TRHDE: variants seen among roughly 807,000 people sequenced by gnomAD.
The protein encoded by TRHDE is thyrotropin-releasing hormone-degrading ectoenzyme.
Under a neutral mutation model 125.7 loss-of-function variants are expected in TRHDE, and 72 were observed. That is an observed-to-expected ratio of 0.57 (90% CI 0.47 to 0.70). The LOEUF is 0.70. Among genes scored for constraint, TRHDE ranks in the 30% least tolerant of loss-of-function variants. The pLI is 0.00. For missense variants in TRHDE, 1,110 were observed against 1,327.1 expected, an observed-to-expected ratio of 0.84 and a Z score of 2.54; for synonymous variants, 509 against 509.1, an observed-to-expected ratio of 1.00 and a Z score of 0.00.
At chr12:72,167,003 C>A (rs1876766620) in intron 2 of TRHDE, among the ~76,000 whole-genome samples, 1 of 150,844 alleles carries the variant, frequency 6.6e-6, no homozygotes, top group African/African-American at 2.4e-5. Flanking sequence ...GATTTGAGGA[C>A]TGACGACAAA....
In TRHDE at chr12:72,108,246, G is replaced by GCAAA; in HGVS notation, n.279+2494_279+2495insCAAA. On this transcript the variant is annotated intron_variant and non_coding_transcript_variant, in intron 2 of 4. Transcript: ENST00000548156. ...GCTTTTTATGCAAATAGATGGATTTGTAAGAACTAGGTTAGTTAAGGAGTA... is the reference window on the plus strand; with the variant it reads ...GCTTTTTATGCAAATAGATGGATTTGCAAATAAGAACTAGGTTAGTTAAGGAGTA... Among the ~76,000 whole-genome samples, 3 of 152,240 alleles carry GCAAA rather than the reference G, an allele frequency of 2.0e-5. No individual in the cohort carries two copies. In the South Asian group the frequency reaches 6.2e-4, roughly 32 times the overall value.
rs1351276036 is a variant in TRHDE at position 72,100,709 on chromosome 12, C to G, written n.175-4939C>G. 5.3e-5 allele frequency among the ~76,000 whole-genome samples: 8 copies of G among 152,316 alleles called. No individual in the cohort carries two copies. The East Asian group carries it at 1.5e-3, about 29-fold the overall frequency. On this transcript the variant is annotated intron_variant and non_coding_transcript_variant, in intron 1 of 4. Coordinates refer to the TRHDE transcript ENST00000548156. ...TGAAATGAAAATGACCTCTCTTTCT[C>G]CTGGCTGTACTTACCTCTCCAAGAC... is the stretch of plus-strand genomic sequence containing the variant.
chr12:72,543,641 C>T (rs1664900717), intron 7 of TRHDE, among the ~76,000 whole-genome samples: 1 of 151,220 alleles, frequency 6.6e-6, no homozygotes, highest in Admixed American at 6.6e-5. Context: ...TTCATAAGGG[C>T]AACATAAATT....
intron 6 of TRHDE, among the ~76,000 whole-genome samples, chr12:72,537,678 A>G (rs1565782528): frequency 1.3e-5 from 2 of 152,058 alleles, no homozygotes; most frequent in African/African-American, 2.4e-5. Flanking sequence ...TACGTTTTCA[A>G]TGGGTTACTT....
chr12:72,392,971 T>C (rs1361752912), intron 3 of TRHDE, among the ~76,000 whole-genome samples: 1 of 152,154 alleles, frequency 6.6e-6, no homozygotes, highest in East Asian at 1.9e-4. Context: ...ATATATACTA[T>C]GTATCAATTT....
intron 2 of TRHDE, among the ~76,000 whole-genome samples, chr12:72,229,056 C>T (rs1195964061): frequency 1.3e-5 from 2 of 152,196 alleles, no homozygotes; most frequent in Non-Finnish European, 2.9e-5. Context: ...CAAACTGTTC[C>T]AACCTCTGCC....
At chr12:72,191,345 A>C (rs920841046) in intron 2 of TRHDE, among the ~76,000 whole-genome samples, 2 of 152,186 alleles carry the variant, frequency 1.3e-5, no homozygotes, top group Admixed American at 1.3e-4. Context: ...AGCATCTCCT[A>C]GAATGAGACT....
chr12:72,161,989 A>G (rs117631963), intron 2 of TRHDE, among the ~76,000 whole-genome samples: 1,796 of 152,284 alleles, frequency 0.012, 13 homozygotes, highest in Non-Finnish European at 0.018. Flanking sequence ...CAGTTTGCCC[A>G]ATAGTATGGT....
In TRHDE at chr12:72,201,977, CTCTG is replaced by C. The variant is rs140087485; in HGVS notation, n.279+96229_279+96232del. 6.8e-4 allele frequency among the ~76,000 whole-genome samples: 104 copies of C among 152,272 alleles called. 1 individual carries two copies. The East Asian group carries it at 0.016, about 24-fold the overall frequency. On this transcript the variant is annotated intron_variant and non_coding_transcript_variant, in intron 2 of 4. Coordinates refer to the TRHDE transcript ENST00000548156. ...GTTTCCATTTTTAGTAATTCCAGAA[CTCTG>C]TCTTATTAATTTTGAGTGCAAATAT...
intron 2 of TRHDE, among the ~76,000 whole-genome samples, chr12:72,299,314 T>C (rs11179147): frequency 0.88 from 133,434 of 152,200 alleles, 58,549 homozygotes; most frequent in East Asian, 0.94. Context: ...CTGTCCTCAA[T>C]CACTACCATC....
chr12:72,492,844 C>T (rs962150649), intron 5 of TRHDE, among the ~76,000 whole-genome samples: 2 of 151,826 alleles, frequency 1.3e-5, no homozygotes, highest in African/African-American at 4.8e-5. Flanking sequence ...TATGGTAGCT[C>T]AAGTAAACTT....
chr12:72,261,946 G>GA (rs1878959411), intron 2 of TRHDE, among the ~76,000 whole-genome samples: 3 of 152,178 alleles, frequency 2.0e-5, no homozygotes, highest in African/African-American at 7.2e-5. Flanking sequence ...CTGAACTTTG[G>GA]AAAAAATTTA....
At chr12:72,343,566 T>C (rs1008562276) in intron 2 of TRHDE, among the ~76,000 whole-genome samples, 2 of 152,148 alleles carry the variant, frequency 1.3e-5, no homozygotes, top group African/African-American at 4.8e-5. Context: ...TGTCAACCTA[T>C]TAAGTGTCAC....
At chr12:72,251,485 G>C (rs1592500363) in intron 2 of TRHDE, among the ~76,000 whole-genome samples, 1 of 145,514 alleles carries the variant, frequency 6.9e-6, no homozygotes, top group East Asian at 2.1e-4. Context: ...TAAGGTGTAT[G>C]AATAGTTCAT....
intron 3 of TRHDE, among the ~76,000 whole-genome samples, chr12:72,451,375 AG>A (rs771141332): frequency 6.6e-6 from 1 of 152,144 alleles, no homozygotes; most frequent in Admixed American, 6.6e-5. Flanking sequence ...CATTTATTGA[AG>A]GGACTGTCCT....
rs747747732 is a variant in TRHDE at position 72,518,558 on chromosome 12, T to C, written c.1722+18923T>C. On this transcript the variant is annotated intron_variant, in intron 6 of 18. Coordinates refer to ENST00000261180, the MANE Select transcript of TRHDE (RefSeq NM_013381.3). Reference sequence around the variant, plus strand: ...GTGTGTCTCTGCATGTGAGATGGGTTTCCTGAATACAGCACACTGATGGGT... The same window carrying C: ...GTGTGTCTCTGCATGTGAGATGGGTCTCCTGAATACAGCACACTGATGGGT... 9.5e-3 allele frequency among the ~76,000 whole-genome samples: 1,449 copies of C among 152,306 alleles called. 20 individuals carry two copies. Among genetic ancestry groups the C allele is most frequent in the South Asian group, 0.027 (132 of 4,830 alleles).
intron 2 of TRHDE, among the ~76,000 whole-genome samples, chr12:72,307,912 C>T (rs1297030211): frequency 6.6e-6 from 1 of 152,092 alleles, no homozygotes; most frequent in Non-Finnish European, 1.5e-5. Context: ...TTTATGTGCA[C>T]CTGTAAAAAT....
intron 3 of TRHDE, among the ~76,000 whole-genome samples, chr12:72,437,978 ATAAGATCAGCTTTTT>A (rs1464881413): frequency 1.3e-5 from 2 of 151,754 alleles, no homozygotes; most frequent in Admixed American, 1.3e-4. Context: ...TTCTACTTCT[ATAAGATCAGCTTTTT>A]TAGATTTCAT....
At chr12:72,632,502 T>G (rs1218070588) in intron 15 of TRHDE, among the ~76,000 whole-genome samples, 1 of 151,948 alleles carries the variant, frequency 6.6e-6, no homozygotes, top group Admixed American at 6.6e-5. Flanking sequence ...ACTACAATTG[T>G]ATACCTCTTA....
Sources: gnomAD v4.1 joint callset for allele counts (sites outside exome capture counted in the v4.1 genomes callset) on GRCh38, gnomAD v4.1.1 for gene constraint, MANE v1.5 for transcripts, NCBI Gene and HGNC (gene_info 2026-07-23, HGNC 2026-07-21) for gene names.